Variants in ELL2 observed in about 807,000 individuals in gnomAD.
The protein encoded by ELL2 is elongation factor for RNA polymerase II 2.
Under a neutral mutation model 72.8 loss-of-function variants are expected in ELL2, and 21 were observed. The ratio of observed to expected loss-of-function variants is 0.29; its 90% CI spans 0.20 to 0.42. ELL2 has a LOEUF of 0.42. Among genes scored for constraint, ELL2 ranks in the 10% least tolerant of loss-of-function variants. The pLI, the probability that ELL2 is intolerant of heterozygous loss-of-function variation, is 1.00. For missense variants in ELL2, 568 were observed against 772.8 expected, an observed-to-expected ratio of 0.73 and a Z score of 3.14; for synonymous variants, 266 against 283.2, an observed-to-expected ratio of 0.94 and a Z score of 0.61.
intron 3 of ELL2, 46 bp downstream of exon 3, chr5:95,919,378 T>G: frequency 6.4e-7 from 1 of 1,559,330 alleles, no homozygotes; most frequent in Non-Finnish European, 8.6e-7. Flanking sequence ...AAAACCCTCT[T>G]AAATAAAAAA....
chr5:95,888,907 A>T lies in ELL2; in HGVS notation c.1887T>A (p.Gly629=). 6.2e-7 allele frequency: 1 copy of T among 1,610,310 alleles called. No individual in the cohort carries two copies. Among genetic ancestry groups the T allele is most frequent in the Non-Finnish European group, 8.5e-7 (1 of 1,179,574 alleles). Residue 629 remains glycine, a synonymous_variant, in exon 12 of 12, where the codon GGT becomes GGA. Transcript: ENST00000237853. ...ACTCTGCTTGCTGTTGGTCAAATTC[A>T]CCTATTAGCCTTTTGATGTGAGCCA... ...NKLAHIKRLI[G]EFDQQQAESW...
chr5:95,941,073 A>T (rs1384669556), intron 2 of ELL2, among the ~76,000 whole-genome samples: 1 of 152,144 alleles, frequency 6.6e-6, no homozygotes, highest in East Asian at 1.9e-4. Flanking sequence ...GGGGGTTGAG[A>T]CAGAATAAGC....
At chr5:95,927,234 A>G (rs1460467736) in intron 2 of ELL2, among the ~76,000 whole-genome samples, 1 of 151,388 alleles carries the variant, frequency 6.6e-6, no homozygotes, top group Non-Finnish European at 1.5e-5. Context: ...TCTGGGATGT[A>G]TTTTGCAGGT....
chr5:95,945,903 A>G (rs1006897029), intron 1 of ELL2, among the ~76,000 whole-genome samples: 13 of 152,092 alleles, frequency 8.5e-5, no homozygotes, highest in Non-Finnish European at 1.6e-4. Flanking sequence ...TTTAGTTTCT[A>G]TTTGCTACAG....
intron 9 of ELL2, among the ~76,000 whole-genome samples, chr5:95,891,806 G>C (rs1437182668): frequency 6.6e-6 from 1 of 152,170 alleles, no homozygotes; most frequent in African/African-American, 2.4e-5. Flanking sequence ...AAGTGCCTCA[G>C]GCTTGCTTCC....
At chr5:95,949,928 A>G (rs998257847) in intron 1 of ELL2, among the ~76,000 whole-genome samples, 2 of 152,172 alleles carry the variant, frequency 1.3e-5, no homozygotes, top group African/African-American at 2.4e-5. Context: ...GGTAGATACT[A>G]TTATTCTCAT....
At chr5:95,896,279 ATT>A (rs11324390) in intron 8 of ELL2, among the ~76,000 whole-genome samples, 232 of 148,998 alleles carry the variant, frequency 1.6e-3, no homozygotes, top group African/African-American at 2.0e-3. Context: ...CACTAAACAG[ATT>A]TTTTTTTTTT....
intron 2 of ELL2, among the ~76,000 whole-genome samples, chr5:95,931,895 G>A (rs942107306): frequency 1.3e-5 from 2 of 149,728 alleles, no homozygotes; most frequent in African/African-American, 4.9e-5. Context: ...TAGAATTAAG[G>A]GTTCTCATGG....
Position 95,943,031 on chromosome 5 carries a change from G to A in ELL2, c.166C>T (p.Pro56Ser). The change falls in exon 2 of 12, where the codon CCT becomes TCT. Residue 56 changes from proline to serine, a missense_variant. Coordinates refer to ENST00000237853, the MANE Select transcript of ELL2 (RefSeq NM_012081.6). Reference sequence around the variant, plus strand: ...TGGAGTCCTTGGAACTGGATTGAAGGTCGAAAAGGAATTAAATTCTATTAA... The same window carrying A: ...TGGAGTCCTTGGAACTGGATTGAAGATCGAAAAGGAATTAAATTCTATTAA... ...QSHKNLIPFR[P>S]SIQFQGLHGL... is the part of the protein sequence containing the mutation. The A allele has an allele frequency of 3.7e-6, 6 of 1,601,906 alleles. No individual in the cohort carries two copies. Among genetic ancestry groups the A allele is most frequent in the Non-Finnish European group, 5.1e-6 (6 of 1,173,984 alleles).
At chr5:95,890,458 A>G (rs1461808303) in intron 10 of ELL2, among the ~76,000 whole-genome samples, 1 of 152,162 alleles carries the variant, frequency 6.6e-6, no homozygotes, top group Non-Finnish European at 1.5e-5. Flanking sequence ...GGAGGGAAAT[A>G]CTCATTTCTA....
At position 95,888,787 on chromosome 5, in the gene ELL2, C is replaced by T. The variant is rs1002050229; in HGVS notation, c.*84G>A. On this transcript the variant is annotated 3_prime_UTR_variant, in exon 12 of 12. Coordinates refer to ENST00000237853, the MANE Select transcript of ELL2 (RefSeq NM_012081.6). ...GAAACTTTCAACAGCCAAAGTTTCACCTTTTTAGAATCTAGAGCAACTCAT... is the reference window on the plus strand; with the variant it reads ...GAAACTTTCAACAGCCAAAGTTTCATCTTTTTAGAATCTAGAGCAACTCAT... 11 of 969,820 alleles carry T rather than the reference C, an allele frequency of 1.1e-5. No homozygotes were observed. The highest frequency in any genetic ancestry group is 1.6e-5 in the Non-Finnish European group (11 of 676,836). 60.1% of individuals were successfully genotyped at this position (969,820 alleles called of 1,614,324 possible). A position where few individuals can be genotyped will look rare whatever the true frequency, so the allele number is the denominator to read the frequency against.
chr5:95,895,822 A>C (rs1748853563), intron 8 of ELL2, 131 bp from the exon 9 acceptor site: 1 of 755,166 alleles, frequency 1.3e-6, no homozygotes, highest in East Asian at 2.6e-5. Flanking sequence ...TCAATAAGCA[A>C]CAGTGAGCAA....
intron 1 of ELL2, among the ~76,000 whole-genome samples, chr5:95,952,682 T>C (rs1176292801): frequency 2.0e-5 from 3 of 152,158 alleles, no homozygotes; most frequent in African/African-American, 7.2e-5. Flanking sequence ...ATATGTAAGG[T>C]TTGAGATATC....
In ELL2 at chr5:95,888,681, G is replaced by A. The variant is rs2112261384; in HGVS notation, c.*190C>T. 4 of 416,256 alleles carry A rather than the reference G, an allele frequency of 9.6e-6. No homozygotes were observed. Among genetic ancestry groups the A allele is most frequent in the East Asian group, 7.5e-5 (2 of 26,564 alleles). The allele number at this position is 416,256 out of a possible 1,614,324, so 25.8% of individuals were successfully genotyped here. ...CAAGTCTTGGGGGTGGGGTGGTGGGGAGGACCAGAAAGAGCAGCTTCGAAA... is the reference window on the plus strand; with the variant it reads ...CAAGTCTTGGGGGTGGGGTGGTGGGAAGGACCAGAAAGAGCAGCTTCGAAA... On this transcript the variant is annotated 3_prime_UTR_variant, in exon 12 of 12. Coordinates refer to ENST00000237853, the MANE Select transcript of ELL2 (RefSeq NM_012081.6).
chr5:95,925,770 A>C (rs1750259289), intron 2 of ELL2, among the ~76,000 whole-genome samples: 2 of 152,318 alleles, frequency 1.3e-5, no homozygotes, highest in South Asian at 4.1e-4. Context: ...GGGTCTTTTC[A>C]TACTGAATAG....
chr5:95,902,356 C>A (rs951784496), intron 5 of ELL2, among the ~76,000 whole-genome samples: 1 of 152,154 alleles, frequency 6.6e-6, no homozygotes, highest in Non-Finnish European at 1.5e-5. Context: ...CTAGAGAACC[C>A]CCAAATTACT....
intron 2 of ELL2, 93 bp from the exon 3 acceptor site, chr5:95,919,638 C>A: frequency 7.0e-7 from 1 of 1,418,992 alleles, no homozygotes; most frequent in East Asian, 2.6e-5. Context: ...TAGTGAAAAT[C>A]ATTTTAGACC....
At chr5:95,950,478 C>A (rs1158910546) in intron 1 of ELL2, among the ~76,000 whole-genome samples, 1 of 152,162 alleles carries the variant, frequency 6.6e-6, no homozygotes, top group Non-Finnish European at 1.5e-5. Context: ...AAATAAAATA[C>A]ACTCAGCTCT....
At chr5:95,895,924 T>G (rs1244232390) in intron 8 of ELL2, among the ~76,000 whole-genome samples, 1 of 152,238 alleles carries the variant, frequency 6.6e-6, no homozygotes, top group Non-Finnish European at 1.5e-5. Context: ...TACTGCAGTG[T>G]CTGCACAATA....
Sources: gnomAD v4.1 joint callset for allele counts (sites outside exome capture counted in the v4.1 genomes callset) on GRCh38, gnomAD v4.1.1 for gene constraint, MANE v1.5 for transcripts, NCBI Gene and HGNC (gene_info 2026-07-23, HGNC 2026-07-21) for gene names.